The following MAPK4 variants were observed in gnomAD, a reference collection of about 807,000 sequenced individuals.
The protein encoded by MAPK4 is Erk3-related.
In MAPK4, 22 loss-of-function variants were observed where a neutral mutation model predicts 47.7. The observed-to-expected ratio is 0.46, with a 90% CI of 0.33 to 0.66. The LOEUF is 0.66. Among genes scored for constraint, MAPK4 ranks in the 30% least tolerant of loss-of-function variants. MAPK4 has a pLI of 0.02. For missense variants in MAPK4, 736 were observed against 831.7 expected (o/e 0.88, Z 1.42); for synonymous variants, 390 against 365.7 (o/e 1.07, Z -0.76).
intron 2 of MAPK4, among the ~76,000 whole-genome samples, chr18:50,688,889 T>TAAAAAAAAAAA (rs35330620): frequency 4.3e-5 from 5 of 115,888 alleles, no homozygotes; most frequent in East Asian, 2.6e-4. Flanking sequence ...CCTATGGAAA[T>TAAAAAAAAAAA]AAAAAAAAAA....
At chr18:50,605,717 C>T (rs2042577165) in intron 1 of MAPK4, among the ~76,000 whole-genome samples, 1 of 152,186 alleles carries the variant, frequency 6.6e-6, no homozygotes, top group Non-Finnish European at 1.5e-5. Flanking sequence ...GGGAGGAGGA[C>T]CCATGGCCCA....
rs949378695 is a variant in MAPK4, at chr18:50,700,193, C to T, written c.547-14886C>T. 7.9e-5 allele frequency among the ~76,000 whole-genome samples: 12 copies of T among 152,314 alleles called. 1 individual carries two copies. In the South Asian group the frequency reaches 1.0e-3, roughly 13 times the overall value. On this transcript the variant is annotated intron_variant, in intron 2 of 5. Coordinates refer to ENST00000400384, the MANE Select transcript of MAPK4 (RefSeq NM_002747.4). The stretch of plus-strand genomic sequence containing the variant: ...CATCTAGGGACCAACCATGAGTTGC[C>T]TCATTAGCATTAAGTCAGATATGGT...
chr18:50,628,174 G>T (rs569858599), intron 1 of MAPK4, among the ~76,000 whole-genome samples: 1 of 152,286 alleles, frequency 6.6e-6, no homozygotes, highest in Non-Finnish European at 1.5e-5. Flanking sequence ...AAGAAAAGGA[G>T]AAGCAAAAAT....
chr18:50,679,741 G>A (rs1444911531), intron 2 of MAPK4, among the ~76,000 whole-genome samples: 1 of 152,204 alleles, frequency 6.6e-6, no homozygotes, highest in Admixed American at 6.5e-5. Context: ...GGAGGCGCTC[G>A]GGCTTCCGCT....
rs1598969581 is a variant in MAPK4 at position 50,730,029 on chromosome 18, C to G, written c.*175C>G. The G allele has an allele frequency of 1.7e-5, 11 of 638,798 alleles. No homozygotes were observed. The East Asian group carries it at 3.2e-4, about 18-fold the overall frequency. The allele number at this position is 638,798 out of a possible 1,614,324, so 39.6% of individuals were successfully genotyped here. On this transcript the variant is annotated 3_prime_UTR_variant, in exon 6 of 6. Coordinates refer to ENST00000400384, the MANE Select transcript of MAPK4 (RefSeq NM_002747.4). Reference sequence around the variant, plus strand: ...TTCTTAAACTGCCTTAATAACTAGCCTTTAACCTGTGGGAGCGGGTTTGAA... The same window carrying G: ...TTCTTAAACTGCCTTAATAACTAGCGTTTAACCTGTGGGAGCGGGTTTGAA...
intron 1 of MAPK4, among the ~76,000 whole-genome samples, chr18:50,650,635 G>A (rs2043038746): frequency 6.6e-6 from 1 of 152,140 alleles, no homozygotes; most frequent in Admixed American, 6.5e-5. Flanking sequence ...GCCAAGTGCT[G>A]TACTAGGCAC....
intron 2 of MAPK4, among the ~76,000 whole-genome samples, chr18:50,683,437 T>C (rs1307892042): frequency 6.7e-6 from 1 of 149,530 alleles, no homozygotes; most frequent in Admixed American, 6.7e-5. Context: ...ATGTTCATTA[T>C]TTTTATTGGT....
At chr18:50,668,556 G>A (rs967629299) in intron 2 of MAPK4, among the ~76,000 whole-genome samples, 1 of 152,176 alleles carries the variant, frequency 6.6e-6, no homozygotes, top group African/African-American at 2.4e-5. Context: ...CAAGGTCTAG[G>A]GGCCATGTAG....
chr18:50,620,336 A>C (rs1036164934), intron 1 of MAPK4, among the ~76,000 whole-genome samples: 1 of 152,260 alleles, frequency 6.6e-6, no homozygotes. Flanking sequence ...TCTTTCCAGA[A>C]GGCCAGAATC....
chr18:50,587,050 CT>C (rs1224772509), intron 1 of MAPK4, among the ~76,000 whole-genome samples: 3 of 152,062 alleles, frequency 2.0e-5, no homozygotes, highest in Non-Finnish European at 4.4e-5. Context: ...CATACTCTAC[CT>C]TATTTGATTA....
intron 2 of MAPK4, among the ~76,000 whole-genome samples, chr18:50,687,315 A>G (rs1257676242): frequency 6.6e-6 from 1 of 152,150 alleles, no homozygotes; most frequent in African/African-American, 2.4e-5. Flanking sequence ...GTGAGCCACC[A>G]TGCCTGGCCA....
chr18:50,611,235 C>G (rs2042630432), intron 1 of MAPK4, among the ~76,000 whole-genome samples: 1 of 152,214 alleles, frequency 6.6e-6, no homozygotes, highest in South Asian at 2.1e-4. Flanking sequence ...TCTTACCAAC[C>G]TCCAATATAC....
At chr18:50,692,434 A>G (rs1909270570) in intron 2 of MAPK4, among the ~76,000 whole-genome samples, 1 of 152,162 alleles carries the variant, frequency 6.6e-6, no homozygotes, top group African/African-American at 2.4e-5. Context: ...CAGGGGAAAT[A>G]ATGCTGGACA....
At chr18:50,667,761 C>T (rs1002376070) in intron 2 of MAPK4, among the ~76,000 whole-genome samples, 2 of 152,200 alleles carry the variant, frequency 1.3e-5, no homozygotes, top group Non-Finnish European at 2.9e-5. Flanking sequence ...ACCACAACAA[C>T]ATACCCAGAA....
At chr18:50,607,049 A>C (rs2042588915) in intron 1 of MAPK4, among the ~76,000 whole-genome samples, 1 of 152,228 alleles carries the variant, frequency 6.6e-6, no homozygotes, top group African/African-American at 2.4e-5. Context: ...GCTGTTTCTT[A>C]CTGCAGCATA....
At chr18:50,589,666 A>C (rs1326883421) in intron 1 of MAPK4, among the ~76,000 whole-genome samples, 8 of 152,098 alleles carry the variant, frequency 5.3e-5, no homozygotes, top group Non-Finnish European at 7.3e-5. Flanking sequence ...AAGGCAAATT[A>C]TCGTTTAAAT....
At chr18:50,595,301 C>T (rs995179412) in intron 1 of MAPK4, among the ~76,000 whole-genome samples, 4 of 152,010 alleles carry the variant, frequency 2.6e-5, no homozygotes, top group African/African-American at 4.8e-5. Flanking sequence ...CCCAAAGTTC[C>T]GTGAAAGCAG....
At chr18:50,660,517 G>A (rs2043158875) in intron 1 of MAPK4, among the ~76,000 whole-genome samples, 1 of 152,138 alleles carries the variant, frequency 6.6e-6, no homozygotes. Flanking sequence ...TCTACTTTGT[G>A]CCCTGTAAGC....
chr18:50,645,065 A>C (rs1389016603), intron 1 of MAPK4, among the ~76,000 whole-genome samples: 1 of 152,204 alleles, frequency 6.6e-6, no homozygotes, highest in East Asian at 1.9e-4. Context: ...CCTGCAGGCC[A>C]GGGAGTGGGT....
Sources: gnomAD v4.1 joint callset for allele counts (sites outside exome capture counted in the v4.1 genomes callset) on GRCh38, gnomAD v4.1.1 for gene constraint, MANE v1.5 for transcripts, NCBI Gene and HGNC (gene_info 2026-07-23, HGNC 2026-07-21) for gene names.